The following COLEC12 variants were observed in gnomAD, a reference collection of about 807,000 sequenced individuals.
COLEC12 encodes the protein collectin subfamily member 12.
Under a neutral mutation model 71.1 loss-of-function variants are expected in COLEC12, and 33 were observed. That is an observed-to-expected ratio of 0.46 (90% CI 0.35 to 0.62). COLEC12 has a LOEUF of 0.62. Among genes scored for constraint, COLEC12 ranks in the 20% least tolerant of loss-of-function variants. The pLI, the probability that COLEC12 is intolerant of heterozygous loss-of-function variation, is 0.00. For synonymous variants in COLEC12, 350 were observed against 353.0 expected (o/e 0.99, Z 0.10); for missense variants, 765 against 916.1 (o/e 0.84, Z 2.13).
At chr18:396,683 T>C (rs912136496) in intron 2 of COLEC12, among the ~76,000 whole-genome samples, 4 of 152,242 alleles carry the variant, frequency 2.6e-5, no homozygotes, top group African/African-American at 9.6e-5. Flanking sequence ...GGACCAGCCC[T>C]TCTGGAAGCC....
chr18:395,724 G>C (rs562155976), intron 2 of COLEC12, among the ~76,000 whole-genome samples: 1 of 152,108 alleles, frequency 6.6e-6, no homozygotes. Flanking sequence ...AAAGAAGTGG[G>C]GAAAATGTCA....
At chr18:323,614 G>C (rs1306129442) in intron 8 of COLEC12, among the ~76,000 whole-genome samples, 2 of 152,238 alleles carry the variant, frequency 1.3e-5, no homozygotes, top group Non-Finnish European at 2.9e-5. Context: ...CACCTTGTGA[G>C]ATTCTTCTGG....
intron 2 of COLEC12, among the ~76,000 whole-genome samples, chr18:381,390 C>A (rs1379443890): frequency 2.6e-5 from 4 of 152,144 alleles, no homozygotes; most frequent in Admixed American, 2.0e-4. Flanking sequence ...ATGCTAATTA[C>A]CATGATTTGA....
chr18:319,093 TC>T lies in COLEC12; in HGVS notation c.*951del, dbSNP rs1263854163. ...GCCCTTCCCAACAGATGCCTCTCCA[TC>T]CCCCACACCTCCCGACTCCACCAAA... On this transcript the variant is annotated 3_prime_UTR_variant, in exon 10 of 10. Transcript: ENST00000400256. 6.6e-6 allele frequency: 1 copy of T among 151,658 alleles called. No individual in the cohort carries two copies. Among genetic ancestry groups the T allele is most frequent in the Non-Finnish European group, 1.5e-5 (1 of 67,954 alleles). 9.4% of individuals were successfully genotyped at this position (151,658 alleles called of 1,614,324 possible).
intron 6 of COLEC12, 154 bp from the exon 7 acceptor site, chr18:333,297 C>T (rs933699187): frequency 4.8e-5 from 29 of 605,932 alleles, no homozygotes; most frequent in East Asian, 2.0e-4. Flanking sequence ...CGGACGTGCT[C>T]GCAGCAAGCA....
chr18:430,516 T>G (rs546898439), intron 2 of COLEC12, among the ~76,000 whole-genome samples: 2 of 152,310 alleles, frequency 1.3e-5, no homozygotes, highest in Admixed American at 1.3e-4. Context: ...TACAGTAAAT[T>G]TAAACTTCCA....
chr18:326,661 C>T (rs577972), intron 8 of COLEC12, among the ~76,000 whole-genome samples: 147,201 of 152,276 alleles, frequency 0.97, 71,339 homozygotes, highest in East Asian at 1. Context: ...ATAGTTTTGG[C>T]TTTTTTTTAA....
rs1050141164 is a variant in COLEC12 at position 481,503 on chromosome 18, G to A, written c.8-746C>T. Reference sequence around the variant, plus strand: ...GCAGATCACCTGAGGTCAGGAGTTCGAGCCCAGCCTGGCCAACATGGTGAA... The same window carrying A: ...GCAGATCACCTGAGGTCAGGAGTTCAAGCCCAGCCTGGCCAACATGGTGAA... On this transcript the variant is annotated intron_variant, in intron 1 of 9. Coordinates refer to ENST00000400256, the MANE Select transcript of COLEC12 (RefSeq NM_130386.3). 5.9e-5 allele frequency among the ~76,000 whole-genome samples: 9 copies of A among 152,032 alleles called. No homozygotes were observed. In the East Asian group the frequency reaches 7.7e-4, roughly 13 times the overall value.
chr18:456,439 C>T (rs1916873417), intron 2 of COLEC12, among the ~76,000 whole-genome samples: 1 of 152,166 alleles, frequency 6.6e-6, no homozygotes, highest in Non-Finnish European at 1.5e-5. Flanking sequence ...ACGCTTTACA[C>T]AAGGAGGGAA....
chr18:361,400 T>C (rs912241205), intron 2 of COLEC12, among the ~76,000 whole-genome samples: 2 of 152,178 alleles, frequency 1.3e-5, no homozygotes, highest in African/African-American at 4.8e-5. Context: ...TCTTTTCATC[T>C]CAGTGGAAGC....
chr18:479,489 T>C (rs1917369133), intron 2 of COLEC12, among the ~76,000 whole-genome samples: 1 of 152,112 alleles, frequency 6.6e-6, no homozygotes, highest in Admixed American at 6.6e-5. Context: ...GCCAGGACTT[T>C]TTTTAAGCAA....
At chr18:335,486 G>C (rs566407455) in intron 5 of COLEC12, among the ~76,000 whole-genome samples, 75 of 152,218 alleles carry the variant, frequency 4.9e-4, no homozygotes, top group African/African-American at 1.8e-3. Flanking sequence ...CCTTTACAGA[G>C]GTCATCGAGT....
At chr18:368,897 A>G (rs1209273366) in intron 2 of COLEC12, among the ~76,000 whole-genome samples, 2 of 152,136 alleles carry the variant, frequency 1.3e-5, no homozygotes, top group African/African-American at 4.8e-5. Context: ...ACAAAAACAA[A>G]ACAAAAAAAA....
intron 2 of COLEC12, among the ~76,000 whole-genome samples, chr18:470,751 T>A (rs541042637): frequency 6.6e-6 from 1 of 152,172 alleles, no homozygotes; most frequent in Non-Finnish European, 1.5e-5. Flanking sequence ...TAAGACCTTG[T>A]CTCTAAAACA....
chr18:368,602 G>C (rs111988158), intron 2 of COLEC12, among the ~76,000 whole-genome samples: 3,876 of 148,092 alleles, frequency 0.026, 67 homozygotes, highest in Non-Finnish European at 0.039. Flanking sequence ...CGGTGGCTCA[G>C]GCCTGTAATC....
chr18:441,890 C>T (rs191948762), intron 2 of COLEC12, among the ~76,000 whole-genome samples: 63 of 150,614 alleles, frequency 4.2e-4, no homozygotes, highest in African/African-American at 1.5e-3. Flanking sequence ...ATCCCAGCTA[C>T]TTGGGAGGCT....
At chr18:369,716 G>A (rs1033573506) in intron 2 of COLEC12, among the ~76,000 whole-genome samples, 1 of 152,158 alleles carries the variant, frequency 6.6e-6, no homozygotes, top group Non-Finnish European at 1.5e-5. Flanking sequence ...TAGTGAAACT[G>A]AGAATGTTTA....
intron 6 of COLEC12, 35 bp downstream of exon 6, chr18:334,707 C>T: frequency 6.9e-7 from 1 of 1,453,122 alleles, no homozygotes. Flanking sequence ...ATGCACTGCC[C>T]TGTCCCCCTG....
intron 2 of COLEC12, among the ~76,000 whole-genome samples, chr18:467,021 A>C (rs1199537474): frequency 1.3e-5 from 2 of 152,192 alleles, no homozygotes; most frequent in Admixed American, 1.3e-4. Context: ...GGAAAAGAAA[A>C]AGACTTTCAA....
Sources: gnomAD v4.1 joint callset for allele counts (sites outside exome capture counted in the v4.1 genomes callset) on GRCh38, gnomAD v4.1.1 for gene constraint, MANE v1.5 for transcripts, NCBI Gene and HGNC (gene_info 2026-07-23, HGNC 2026-07-21) for gene names.